MKLN1: variants seen among roughly 807,000 people sequenced by gnomAD.
MKLN1 encodes muskelin.
MKLN1 carries 18 observed loss-of-function variants against 99.0 expected under a neutral mutation model. That is an observed-to-expected ratio of 0.18 (90% CI 0.13 to 0.27). MKLN1 has a LOEUF of 0.27. MKLN1 is among the 10% of genes least tolerant of loss of function. The probability of loss-of-function intolerance (pLI) is 1.00; values close to 1 mark genes in which losing one functional copy is unlikely to be tolerated. For synonymous variants in MKLN1, 288 were observed against 293.2 expected (o/e 0.98, Z 0.18); for missense variants, 621 against 875.9 (o/e 0.71, Z 3.67).
intron 3 of MKLN1, among the ~76,000 whole-genome samples, chr7:131,229,269 C>T (rs554589896): frequency 4.9e-4 from 75 of 151,986 alleles, no homozygotes; most frequent in Admixed American, 2.0e-3. Flanking sequence ...CCCATCGATC[C>T]GTCATCTACA....
intron 1 of MKLN1, among the ~76,000 whole-genome samples, chr7:131,339,427 G>C (rs1379175658): frequency 6.6e-6 from 1 of 152,140 alleles, no homozygotes; most frequent in Non-Finnish European, 1.5e-5. Flanking sequence ...AGAGTTGGTC[G>C]GGTGCACTGG....
At chr7:131,345,008 G>T (rs1422522970) in intron 1 of MKLN1, among the ~76,000 whole-genome samples, 6 of 152,116 alleles carry the variant, frequency 3.9e-5, no homozygotes, top group Non-Finnish European at 1.5e-5. Context: ...GTTTCACCAT[G>T]TTGGCCAGGC....
At chr7:131,359,335 T>C (rs1407608408) in intron 1 of MKLN1, among the ~76,000 whole-genome samples, 1 of 152,216 alleles carries the variant, frequency 6.6e-6, no homozygotes, top group African/African-American at 2.4e-5. Flanking sequence ...GAATGACTTC[T>C]AGTTTAATTC....
upstream of MKLN1, among the ~76,000 whole-genome samples, chr7:131,326,640 G>A (rs189179990): frequency 1.3e-5 from 2 of 152,240 alleles, no homozygotes; most frequent in Non-Finnish European, 2.9e-5. Flanking sequence ...CCACCGTGCC[G>A]GGCCTGGCCT....
chr7:131,193,736 G>A (rs1474543910), intron 2 of MKLN1, among the ~76,000 whole-genome samples: 6 of 151,860 alleles, frequency 4.0e-5, no homozygotes, highest in Non-Finnish European at 7.4e-5. Flanking sequence ...CATGGCTCAC[G>A]GCAGCCTCAA....
At chr7:131,166,754 C>T (rs566041277) in intron 2 of MKLN1, among the ~76,000 whole-genome samples, 63 of 152,282 alleles carry the variant, frequency 4.1e-4, no homozygotes, top group Non-Finnish European at 7.8e-4. Flanking sequence ...GGCACGATCT[C>T]GGCTCACTGC....
rs191600992 is a variant in MKLN1, at chr7:131,349,970, T to C, written c.98+21973T>C. Among the ~76,000 whole-genome samples, 115 of 150,752 alleles carry C rather than the reference T, an allele frequency of 7.6e-4. 1 individual carries two copies. Among genetic ancestry groups the C allele is most frequent in the Admixed American group, 2.2e-3 (33 of 15,092 alleles). ...TCCTTAGAGATAATTACTACATGCT[T>C]ATTTTCAGTTGCTTGGTAGTGATAA... On this transcript the variant is annotated intron_variant, in intron 1 of 17. Transcript: ENST00000352689.
At chr7:131,418,484 A>G (rs1429115986) in intron 8 of MKLN1, among the ~76,000 whole-genome samples, 1 of 152,160 alleles carries the variant, frequency 6.6e-6, no homozygotes, top group Non-Finnish European at 1.5e-5. Flanking sequence ...TACACTAACA[A>G]TAGCTTATGA....
chr7:131,359,957 G>A (rs1236853667), intron 1 of MKLN1, among the ~76,000 whole-genome samples: 1 of 151,544 alleles, frequency 6.6e-6, no homozygotes, highest in Admixed American at 6.6e-5. Flanking sequence ...CCATGTTGGC[G>A]AGGCTGGTCT....
At chr7:131,275,703 T>C (rs1465480971) in intron 3 of MKLN1, among the ~76,000 whole-genome samples, 2 of 150,278 alleles carry the variant, frequency 1.3e-5, no homozygotes, top group Non-Finnish European at 3.0e-5. Context: ...AGTGCTGGGA[T>C]TATAGGCCTG....
At chr7:131,309,561 C>T (rs1484857115) in intron 3 of MKLN1, among the ~76,000 whole-genome samples, 3 of 151,684 alleles carry the variant, frequency 2.0e-5, no homozygotes, top group African/African-American at 4.8e-5. Context: ...TACAGGCACC[C>T]ACCATCACAG....
At chr7:131,364,243 T>C (rs1413835416) in intron 1 of MKLN1, among the ~76,000 whole-genome samples, 1 of 152,164 alleles carries the variant, frequency 6.6e-6, no homozygotes, top group East Asian at 1.9e-4. Flanking sequence ...CCTTTCAAAA[T>C]ACAATGTTCT....
chr7:131,425,532 G>A (rs986836850), intron 8 of MKLN1, among the ~76,000 whole-genome samples: 2 of 152,100 alleles, frequency 1.3e-5, no homozygotes, highest in Non-Finnish European at 2.9e-5. Flanking sequence ...TAGGGACTGG[G>A]GACTATGTCT....
intron 3 of MKLN1, among the ~76,000 whole-genome samples, chr7:131,286,460 G>C (rs1260772120): frequency 6.6e-6 from 1 of 152,026 alleles, no homozygotes; most frequent in Non-Finnish European, 1.5e-5. Flanking sequence ...CCTCCCCCAA[G>C]GAATTGCCTC....
chr7:131,464,519 T>C (rs533494542), intron 14 of MKLN1, 111 bp downstream of exon 14: 1 of 583,542 alleles, frequency 1.7e-6, no homozygotes, highest in African/African-American at 1.8e-5. Context: ...TTAAAATACA[T>C]AGTAGACATT....
intron 2 of MKLN1, among the ~76,000 whole-genome samples, chr7:131,174,962 G>C: frequency 5.9e-5 from 1 of 16,932 alleles, no homozygotes; most frequent in South Asian, 1.8e-3. Flanking sequence ...ATGATAGATA[G>C]ATAGATAGAT....
chr7:131,308,463 T>G (rs1271309772), intron 3 of MKLN1, among the ~76,000 whole-genome samples: 1 of 152,092 alleles, frequency 6.6e-6, no homozygotes, highest in Non-Finnish European at 1.5e-5. Context: ...GGTTTCACCA[T>G]GTTGGTCAGG....
At chr7:131,258,855 T>C (rs111388530) in intron 3 of MKLN1, among the ~76,000 whole-genome samples, 111 of 152,276 alleles carry the variant, frequency 7.3e-4, no homozygotes, top group African/African-American at 2.4e-3. Flanking sequence ...CTGCTTTCTA[T>C]TGTATTGATT....
chr7:131,290,566 C>T (rs1798202046), intron 3 of MKLN1, among the ~76,000 whole-genome samples: 1 of 152,158 alleles, frequency 6.6e-6, no homozygotes, highest in Admixed American at 6.5e-5. Flanking sequence ...TTCAGGTAAA[C>T]AAACTTGGAA....
Sources: allele counts gnomAD v4.1 joint callset (sites outside exome capture counted in the v4.1 genomes callset), GRCh38; gene constraint gnomAD v4.1.1; transcripts MANE v1.5; gene names NCBI Gene and HGNC (gene_info 2026-07-23, HGNC 2026-07-21).